IFIH1: variants seen among roughly 807,000 people sequenced by gnomAD.
The protein encoded by IFIH1 is interferon-induced helicase C domain-containing protein 1.
In IFIH1, 125 loss-of-function variants were observed where a neutral mutation model predicts 107.4. That is an observed-to-expected ratio of 1.16 (90% CI 1.01 to 1.35). The LOEUF (loss-of-function observed/expected upper bound fraction) is 1.35, where lower values mean the gene tolerates loss of function less well. IFIH1 is among the 40% of genes most tolerant of loss of function. The pLI is 0.00. For synonymous variants in IFIH1, 458 were observed against 413.2 expected (o/e 1.11, Z -1.31); for missense variants, 1,333 against 1,213.7 (o/e 1.10, Z -1.46).
intron 13 of IFIH1, among the ~76,000 whole-genome samples, 165 bp from the exon 14 acceptor site, chr2:162,268,442 T>A (rs1331942945): frequency 6.6e-6 from 1 of 152,144 alleles, no homozygotes; most frequent in Non-Finnish European, 1.5e-5. Flanking sequence ...AAGAATTTGG[T>A]ATATAATCAT....
Position 162,306,848 on chromosome 2 carries a change from C to G in IFIH1, c.630G>C (p.Glu210Asp). 6.2e-7 allele frequency: 1 copy of G among 1,613,688 alleles called. No homozygotes were observed. Among genetic ancestry groups the G allele is most frequent in the Non-Finnish European group, 8.5e-7 (1 of 1,179,738 alleles). The change falls in exon 3 of 16, where the codon GAG (glutamate) becomes GAC (aspartate). Residue 210 changes from glutamate (E) to aspartate (D), a missense_variant. Coordinates refer to ENST00000649979, the MANE Select transcript of IFIH1 (RefSeq NM_022168.4). ...SDCSESNAEI[E>D]NLSQVDGPQV... ...GAGGACCATCAACTTGTGATAAATT[C>G]TCAATCTCTGTGAATAACAGTATTA...
At position 162,294,771 on chromosome 2, in the gene IFIH1, T is replaced by C. The variant is rs1011014195; in HGVS notation, c.770-1103A>G. Among the ~76,000 whole-genome samples the C allele has an allele frequency of 1.2e-4, 18 of 151,908 alleles. No homozygotes were observed. The Middle Eastern group carries it at 0.01, about 86-fold the overall frequency. On this transcript the variant is annotated intron_variant, in intron 3 of 15. Coordinates refer to ENST00000649979, the MANE Select transcript of IFIH1 (RefSeq NM_022168.4). ...AATTAAAAATATTTTATAATATTTATACTTAGATAATATTTCATCCTAAAG... is the reference window on the plus strand; with the variant it reads ...AATTAAAAATATTTTATAATATTTACACTTAGATAATATTTCATCCTAAAG...
chr2:162,285,377 T>G (rs1682878282), intron 5 of IFIH1, among the ~76,000 whole-genome samples: 1 of 152,002 alleles, frequency 6.6e-6, no homozygotes, highest in Admixed American at 6.6e-5. Context: ...TTCTTTTTTC[T>G]AGATCAAGGG....
chr2:162,303,498 C>T (rs992738132), intron 3 of IFIH1, among the ~76,000 whole-genome samples: 1 of 152,054 alleles, frequency 6.6e-6, no homozygotes, highest in African/African-American at 2.4e-5. Context: ...GAAGCCATTT[C>T]TGTTATGTTC....
At chr2:162,304,547 A>C (rs901706365) in intron 3 of IFIH1, among the ~76,000 whole-genome samples, 6 of 152,220 alleles carry the variant, frequency 3.9e-5, no homozygotes, top group African/African-American at 1.4e-4. Context: ...AACTGTGAAA[A>C]AAATTGGTAC....
chr2:162,288,911 C>T (rs968369435), intron 4 of IFIH1, among the ~76,000 whole-genome samples: 6 of 136,016 alleles, frequency 4.4e-5, no homozygotes, highest in African/African-American at 1.8e-4. Context: ...AACCAAATAC[C>T]AAAAAGCACA....
Position 162,282,392 on chromosome 2 carries a change from C to A in IFIH1, c.1280G>T (p.Gly427Val), listed in dbSNP as rs764602538. Reference protein sequence around the residue: ...LENSLLNLENGEDAGVQLSDF... With the variant: ...LENSLLNLENVEDAGVQLSDF... The stretch of plus-strand genomic sequence containing the variant: ...TGACAATTGAACACCAGCATCTTCT[C>A]CATTTTCCAAGTTTAAGAGGGAGTT... Residue 427 changes from glycine (G) to valine (V), a missense_variant, in exon 6 of 16, where the codon GGA becomes GTA. Physicochemically the swap from Gly to Val is moderately radical, Grantham distance 109. Coordinates refer to ENST00000649979, the MANE Select transcript of IFIH1 (RefSeq NM_022168.4). 2 of 1,610,758 alleles carry A rather than the reference C, an allele frequency of 1.2e-6. No homozygotes were observed. The highest frequency in any genetic ancestry group is 2.2e-5 in the South Asian group (2 of 90,706).
chr2:162,297,005 T>C (rs1198477255), intron 3 of IFIH1, among the ~76,000 whole-genome samples: 1 of 152,114 alleles, frequency 6.6e-6, no homozygotes, highest in Non-Finnish European at 1.5e-5. Flanking sequence ...CAAATTCTTA[T>C]GCATTTTGAT....
At chr2:162,296,624 C>T (rs754751816) in intron 3 of IFIH1, among the ~76,000 whole-genome samples, 2 of 152,108 alleles carry the variant, frequency 1.3e-5, no homozygotes, top group African/African-American at 2.4e-5. Flanking sequence ...GAATTAAGAG[C>T]TGTGGTGGTG....
rs1691054955 is a variant in IFIH1, at chr2:162,272,271, A to G, written c.2571T>C (p.Ala857=). The G allele has an allele frequency of 1.2e-6, 2 of 1,612,840 alleles. No individual in the cohort carries two copies. Among genetic ancestry groups the G allele is most frequent in the South Asian group, 2.2e-5 (2 of 90,968 alleles). ...NDFREKMMYK[A]IHCVQNMKPE... ...GTTTCATATTTTGAACACAATGTAT[A>G]GCTTTATACATCATCTTCTCTCGGA... The change falls in exon 13 of 16, where the codon GCT becomes GCC. Residue 857 remains alanine, a synonymous_variant. Transcript: ENST00000649979.
chr2:162,270,595 T>C (rs1023463824), intron 13 of IFIH1, among the ~76,000 whole-genome samples: 2 of 152,144 alleles, frequency 1.3e-5, no homozygotes, highest in African/African-American at 4.8e-5. Flanking sequence ...ATATAGTCCA[T>C]TCTGGGGCAC....
At chr2:162,272,896 A>T (rs1691072954) in intron 12 of IFIH1, among the ~76,000 whole-genome samples, 2 of 152,168 alleles carry the variant, frequency 1.3e-5, no homozygotes, top group African/African-American at 4.8e-5. Flanking sequence ...AAGCCTCTTT[A>T]TGAAAGTGAT....
chr2:162,313,107 A>G (rs1683408268), intron 1 of IFIH1, among the ~76,000 whole-genome samples: 1 of 152,236 alleles, frequency 6.6e-6, no homozygotes, highest in Non-Finnish European at 1.5e-5. Context: ...ATGTGGAACT[A>G]CATATATCTG....
chr2:162,303,759 T>A (rs1312204230), intron 3 of IFIH1, among the ~76,000 whole-genome samples: 2 of 152,154 alleles, frequency 1.3e-5, no homozygotes, highest in African/African-American at 4.8e-5. Context: ...AGTAAAAATT[T>A]AAAAAAATTT....
intron 1 of IFIH1, among the ~76,000 whole-genome samples, 173 bp from the exon 2 acceptor site, chr2:162,311,106 GA>G (rs967608224): frequency 6.7e-6 from 1 of 150,136 alleles, no homozygotes; most frequent in Admixed American, 6.6e-5. Flanking sequence ...AGTCGGCAGG[GA>G]AAAAAATCTC....
intron 3 of IFIH1, among the ~76,000 whole-genome samples, chr2:162,306,391 T>TA (rs1386512659): frequency 9.2e-5 from 14 of 152,230 alleles, no homozygotes; most frequent in African/African-American, 3.4e-4. Context: ...TTAAATTGAC[T>TA]GATCTATTTA....
chr2:162,289,121 C>T (rs1178458795), intron 4 of IFIH1, among the ~76,000 whole-genome samples: 1 of 151,898 alleles, frequency 6.6e-6, no homozygotes, highest in African/African-American at 2.4e-5. Context: ...TAAATCATGA[C>T]TACTTTTGCC....
intron 1 of IFIH1, among the ~76,000 whole-genome samples, chr2:162,317,580 A>T (rs1683523399): frequency 6.6e-6 from 1 of 152,200 alleles, no homozygotes; most frequent in South Asian, 2.1e-4. Flanking sequence ...AATGATACCA[A>T]CTGCACATAG....
intron 13 of IFIH1, among the ~76,000 whole-genome samples, chr2:162,270,325 CTG>C (rs1485983168): frequency 6.6e-6 from 1 of 152,152 alleles, no homozygotes; most frequent in Non-Finnish European, 1.5e-5. Context: ...TATGTTTAAA[CTG>C]TGTTTATGAC....
Sources: allele counts gnomAD v4.1 joint callset (sites outside exome capture counted in the v4.1 genomes callset), GRCh38; gene constraint gnomAD v4.1.1; transcripts MANE v1.5; gene names NCBI Gene and HGNC (gene_info 2026-07-23, HGNC 2026-07-21).